The following UNC5D variants were observed in gnomAD, a reference collection of about 807,000 sequenced individuals.
UNC5D encodes netrin receptor UNC5D.
UNC5D carries 39 observed loss-of-function variants against 105.4 expected under a neutral mutation model. That is an observed-to-expected ratio of 0.37 (90% confidence interval 0.29 to 0.48). The LOEUF is 0.48. Ranked by LOEUF, UNC5D falls within the 20% of genes least tolerant of loss-of-function variation. The pLI is 0.98. For missense variants in UNC5D, 991 were observed against 1,202.4 expected (o/e 0.82, Z 2.60); for synonymous variants, 452 against 450.4 (o/e 1.00, Z -0.04).
chr8:35,534,544 T>C (rs1814688451), intron 1 of UNC5D, among the ~76,000 whole-genome samples: 1 of 151,422 alleles, frequency 6.6e-6, no homozygotes, highest in Non-Finnish European at 1.5e-5. Context: ...GGTCTTCTGC[T>C]TGAGAAACTT....
intron 1 of UNC5D, among the ~76,000 whole-genome samples, chr8:35,251,696 G>T (rs1266242164): frequency 6.6e-6 from 1 of 152,146 alleles, no homozygotes; most frequent in African/African-American, 2.4e-5. Context: ...GAACATAGGG[G>T]CCCATAAATG....
intron 1 of UNC5D, among the ~76,000 whole-genome samples, chr8:35,394,591 T>TA (rs879268811): frequency 2.0e-3 from 279 of 142,356 alleles, no homozygotes; most frequent in African/African-American, 2.8e-3. Flanking sequence ...TTTCATTTTG[T>TA]AAAAAAAAAA....
At chr8:35,534,028 C>A (rs930421578) in intron 1 of UNC5D, among the ~76,000 whole-genome samples, 1 of 152,180 alleles carries the variant, frequency 6.6e-6, no homozygotes, top group Non-Finnish European at 1.5e-5. Flanking sequence ...ACGCTGGGAA[C>A]TGTAGACCGG....
At chr8:35,287,938 A>C (rs1806733191) in intron 1 of UNC5D, among the ~76,000 whole-genome samples, 1 of 152,188 alleles carries the variant, frequency 6.6e-6, no homozygotes, top group African/African-American at 2.4e-5. Context: ...AACAATATAA[A>C]AGAGTGAAGA....
chr8:35,410,671 C>T (rs953090077), intron 1 of UNC5D, among the ~76,000 whole-genome samples: 1 of 152,066 alleles, frequency 6.6e-6, no homozygotes, highest in African/African-American at 2.4e-5. Flanking sequence ...CAGAGCTACT[C>T]AGGTTGAACT....
chr8:35,630,058 GA>G (rs1278701918), intron 4 of UNC5D, among the ~76,000 whole-genome samples: 17 of 152,118 alleles, frequency 1.1e-4, no homozygotes, highest in African/African-American at 3.9e-4. Flanking sequence ...TTTACGCATG[GA>G]AAAGACTTTG....
At chr8:35,261,580 G>A (rs1468411215) in intron 1 of UNC5D, among the ~76,000 whole-genome samples, 2 of 150,238 alleles carry the variant, frequency 1.3e-5, no homozygotes, top group African/African-American at 4.9e-5. Flanking sequence ...CATCTTTTGT[G>A]CTCTTCCTTT....
rs866065560 is a variant in UNC5D at position 35,705,110 on chromosome 8, G to A, written c.1085-819G>A. Reference sequence around the variant, plus strand: ...CTCCCGCGTAGCTGGGACTACAGGCGCCTGCCACCTCGCCCGGCTAATTTT... The same window carrying A: ...CTCCCGCGTAGCTGGGACTACAGGCACCTGCCACCTCGCCCGGCTAATTTT... On this transcript the variant is annotated intron_variant, in intron 7 of 16. Coordinates refer to ENST00000404895, the MANE Select transcript of UNC5D (RefSeq NM_080872.4). Among the ~76,000 whole-genome samples the A allele has an allele frequency of 2.8e-4, 43 of 152,068 alleles. 1 individual carries two copies. Among genetic ancestry groups the A allele is most frequent in the South Asian group, 4.2e-4 (2 of 4,800 alleles).
intron 4 of UNC5D, among the ~76,000 whole-genome samples, chr8:35,615,035 G>GCCCCCCCCCCCCCCCC (rs1394702258): frequency 3.7e-5 from 2 of 53,818 alleles, no homozygotes; most frequent in Non-Finnish European, 6.0e-5. Context: ...CATAGTGAGG[G>GCCCCCCCCCCCCCCCC]GCCCCCCCCC....
chr8:35,744,969 C>T (rs1829931796), intron 11 of UNC5D, among the ~76,000 whole-genome samples: 1 of 152,000 alleles, frequency 6.6e-6, no homozygotes, highest in East Asian at 1.9e-4. Context: ...TGTAGAATCG[C>T]TTGAACCTAG....
intron 15 of UNC5D, among the ~76,000 whole-genome samples, chr8:35,767,644 T>C (rs1801831492): frequency 6.6e-6 from 1 of 152,080 alleles, no homozygotes; most frequent in Admixed American, 6.5e-5. Flanking sequence ...AGTACAATAA[T>C]ATAAGAAGGA....
At chr8:35,785,653 G>A (rs936194959) in intron 16 of UNC5D, among the ~76,000 whole-genome samples, 4 of 152,112 alleles carry the variant, frequency 2.6e-5, no homozygotes, top group African/African-American at 9.7e-5. Flanking sequence ...AAGCCACCAC[G>A]CCGAGCCTAT....
At chr8:35,600,039 G>A (rs1819753733) in intron 4 of UNC5D, among the ~76,000 whole-genome samples, 1 of 152,010 alleles carries the variant, frequency 6.6e-6, no homozygotes, top group African/African-American at 2.4e-5. Flanking sequence ...ACCTATGAGT[G>A]AGAACATGAG....
chr8:35,405,201 C>T (rs763092238), intron 1 of UNC5D, among the ~76,000 whole-genome samples: 3 of 152,014 alleles, frequency 2.0e-5, no homozygotes, highest in Non-Finnish European at 4.4e-5. Flanking sequence ...GCTGCATGCA[C>T]CCAGATAATG....
intron 3 of UNC5D, among the ~76,000 whole-genome samples, chr8:35,582,035 G>A (rs1202703596): frequency 6.6e-6 from 1 of 152,132 alleles, no homozygotes; most frequent in East Asian, 1.9e-4. Flanking sequence ...GCCTTGAAAT[G>A]CATTCTCTAC....
intron 4 of UNC5D, among the ~76,000 whole-genome samples, chr8:35,625,957 A>G (rs569432059): frequency 6.6e-6 from 1 of 152,316 alleles, no homozygotes; most frequent in Non-Finnish European, 1.5e-5. Context: ...TCTGAAACCC[A>G]TGAAGCTGGA....
intron 4 of UNC5D, among the ~76,000 whole-genome samples, chr8:35,671,453 T>C (rs1824798101): frequency 6.6e-6 from 1 of 152,202 alleles, no homozygotes; most frequent in Non-Finnish European, 1.5e-5. Context: ...ACCTTTGTAT[T>C]GTAATAAAAT....
At chr8:35,383,110 A>T (rs187931521) in intron 1 of UNC5D, among the ~76,000 whole-genome samples, 1 of 152,316 alleles carries the variant, frequency 6.6e-6, no homozygotes, top group East Asian at 1.9e-4. Context: ...CATTAAAGTA[A>T]TTCAATAAGA....
chr8:35,458,891 A>G lies in UNC5D; in HGVS notation c.104-90401A>G, dbSNP rs559907622. The stretch of plus-strand genomic sequence containing the variant: ...TTGGCAATAAAGCATGGAGCATCCT[A>G]TAAAGACCAAGACATTGTGGGGTTT... On this transcript the variant is annotated intron_variant, in intron 1 of 16. Transcript: ENST00000404895. Among the ~76,000 whole-genome samples, 19 of 152,304 alleles carry G rather than the reference A, an allele frequency of 1.2e-4. No homozygotes were observed. In the South Asian group the frequency reaches 3.7e-3, roughly 30 times the overall value.
Sources: allele counts gnomAD v4.1 joint callset (sites outside exome capture counted in the v4.1 genomes callset), GRCh38; gene constraint gnomAD v4.1.1; transcripts MANE v1.5; gene names NCBI Gene and HGNC (gene_info 2026-07-23, HGNC 2026-07-21).